The following ACSM3 variants were observed in gnomAD, a reference collection of about 807,000 sequenced individuals.
ACSM3 encodes the protein acyl-CoA synthetase medium chain family member 3, also known as acyl-coenzyme A synthetase ACSM3, mitochondrial.
ACSM3 carries 61 observed loss-of-function variants against 74.1 expected under a neutral mutation model. The ratio of observed to expected loss-of-function variants is 0.82; its 90% CI spans 0.67 to 1.02. The LOEUF (loss-of-function observed/expected upper bound fraction) is 1.02. ACSM3 is among the 50% of genes least tolerant of loss of function. The probability of loss-of-function intolerance (pLI) is 0.00; values close to 1 mark genes in which losing one functional copy is unlikely to be tolerated. For missense variants in ACSM3, 660 were observed against 697.0 expected (o/e 0.95, Z 0.60); for synonymous variants, 213 against 241.5 (o/e 0.88, Z 1.09).
chr16:20,737,381 G>C (rs2079880285), intron 1 of ACSM3: 3 of 1,278,482 alleles, frequency 2.3e-6, no homozygotes, highest in Non-Finnish European at 3.2e-6. Context: ...GTTAAAACAA[G>C]ACATACAGTA....
In ACSM3 at chr16:20,796,932, A is replaced by G; in HGVS notation, c.1721A>G (p.Lys574Arg). The change falls in exon 14 of 14, where the codon AAA becomes AGA. Residue 574 changes from lysine to arginine, a missense_variant. By Grantham distance (26) the Lys-to-Arg change is conservative. Transcript: ENST00000289416. ...ELPKTISGKT[K>R]RNELRKKEWK... ...CCAAAGACTATCAGTGGGAAGACAA[A>G]AAGAAATGAACTGAGGAAGAAAGAA... The G allele has an allele frequency of 6.2e-7, 1 of 1,613,108 alleles. No homozygotes were observed. Among genetic ancestry groups the G allele is most frequent in the Non-Finnish European group, 8.5e-7 (1 of 1,179,590 alleles).
rs559950298 is a variant in ACSM3, at chr16:20,791,640, T to C, written c.1327-362T>C. On this transcript the variant is annotated intron_variant, in intron 10 of 13. Transcript: ENST00000289416. ...CTTCCTTGAACATTTAAAAATCCAATTGAGGGCCAGGAGCGGTGGCTTATG... is the reference window on the plus strand; with the variant it reads ...CTTCCTTGAACATTTAAAAATCCAACTGAGGGCCAGGAGCGGTGGCTTATG... Among the ~76,000 whole-genome samples the C allele has an allele frequency of 8.5e-5, 13 of 152,232 alleles. No individual in the cohort carries two copies. The East Asian group carries it at 1.4e-3, about 16-fold the overall frequency.
intron 12 of ACSM3, 102 bp downstream of exon 12, chr16:20,792,437 A>G: frequency 3.2e-6 from 5 of 1,562,340 alleles, no homozygotes; most frequent in Non-Finnish European, 3.5e-6. Flanking sequence ...TGATTCATTT[A>G]CTAAATATGC....
chr16:20,731,944 G>C (rs1005209725), intron 1 of ACSM3, among the ~76,000 whole-genome samples: 1 of 152,182 alleles, frequency 6.6e-6, no homozygotes, highest in African/African-American at 2.4e-5. Context: ...CTGCAATACT[G>C]AATCACTACT....
At chr16:20,781,228 C>G in intron 6 of ACSM3, 98 bp downstream of exon 6, 1 of 1,407,752 alleles carries the variant, frequency 7.1e-7, no homozygotes, top group Non-Finnish European at 9.7e-7. Context: ...TCAGAGTAGA[C>G]AATATGATTT....
At chr16:20,687,034 G>C (rs1486840100) in intron 1 of ACSM3, among the ~76,000 whole-genome samples, 1 of 150,400 alleles carries the variant, frequency 6.6e-6, no homozygotes, top group African/African-American at 2.5e-5. Flanking sequence ...GTGTGGTGCG[G>C]TGCAGTCAAG....
chr16:20,691,424 C>A (rs980984176), intron 1 of ACSM3, among the ~76,000 whole-genome samples: 1 of 152,128 alleles, frequency 6.6e-6, no homozygotes, highest in African/African-American at 2.4e-5. Context: ...GCAGAAAACG[C>A]TGGGGAGGTT....
chr16:20,731,746 AT>A, intron 1 of ACSM3: 1 of 346,830 alleles, frequency 2.9e-6, no homozygotes, highest in Non-Finnish European at 5.2e-6. Context: ...GAAAGTAAGT[AT>A]TTTGTCCAAA....
intron 1 of ACSM3, among the ~76,000 whole-genome samples, chr16:20,692,508 C>T (rs539881508): frequency 1.3e-5 from 2 of 152,118 alleles, no homozygotes; most frequent in Admixed American, 1.3e-4. Context: ...TATTGTGCAC[C>T]GGTATCTCTC....
chr16:20,681,404 A>G (rs76518496), intron 1 of ACSM3: 2 of 152,212 alleles, frequency 1.3e-5, no homozygotes, highest in African/African-American at 4.8e-5. Context: ...CCATGTTCCA[A>G]TTCAGACTTG....
chr16:20,732,902 A>T (rs369009819), intron 1 of ACSM3: 1 of 161,550 alleles, frequency 6.2e-6, no homozygotes, highest in African/African-American at 2.4e-5. Flanking sequence ...TTTTCCGTCA[A>T]TTAGGTGGAA....
At chr16:20,741,481 G>GGGGGGGGGGGGGGCCCCCCC in intron 1 of ACSM3, 3 of 1,308,414 alleles carry the variant, frequency 2.3e-6, no homozygotes, top group Non-Finnish European at 3.0e-6. Flanking sequence ...CTGGCAGCCG[G>GGGGGGGGGGGGGGCCCCCCC]CCCGCCCGCC....
intron 1 of ACSM3, chr16:20,727,521 A>G (rs1166511328): frequency 6.2e-6 from 2 of 324,868 alleles, no homozygotes; most frequent in Non-Finnish European, 1.2e-5. Flanking sequence ...TTTCTGCCCC[A>G]GGATTTTCAA....
chr16:20,686,248 C>T (rs1468449675), intron 1 of ACSM3, among the ~76,000 whole-genome samples: 3 of 151,930 alleles, frequency 2.0e-5, no homozygotes, highest in Admixed American at 1.3e-4. Context: ...GAGGTGAGGG[C>T]AGTAACAAAG....
chr16:20,762,922 G>A (rs541197677), upstream of ACSM3, among the ~76,000 whole-genome samples: 1 of 152,216 alleles, frequency 6.6e-6, no homozygotes, highest in East Asian at 1.9e-4. Flanking sequence ...TCTAGCCTGC[G>A]CAATAAGGCA....
rs550190851 is a variant in ACSM3, at chr16:20,732,111, G to GT, written c.-189-17798dup. Among the ~76,000 whole-genome samples, 374 of 152,220 alleles carry GT rather than the reference G, an allele frequency of 2.5e-3. 2 individuals carry two copies. Among genetic ancestry groups the GT allele is most frequent in the Non-Finnish European group, 4.4e-3 (297 of 68,006 alleles). On this transcript the variant is annotated intron_variant, in intron 1 of 3. Coordinates refer to the ACSM3 transcript ENST00000561584. ...ATAAATTCAAAGAACATACCTGTAT[G>GT]TATCAAGGGACCCCATTAATATTCA... is the stretch of plus-strand genomic sequence containing the variant.
At chr16:20,758,520 TCTC>T (rs1345089944) in intron 3 of ACSM3, among the ~76,000 whole-genome samples, 1 of 152,138 alleles carries the variant, frequency 6.6e-6, no homozygotes, top group East Asian at 1.9e-4. Flanking sequence ...TTGATTCTTC[TCTC>T]TTTTTTTATT....
intron 2 of ACSM3, among the ~76,000 whole-genome samples, chr16:20,772,810 T>C (rs1199073200): frequency 6.6e-6 from 1 of 152,024 alleles, no homozygotes; most frequent in Non-Finnish European, 1.5e-5. Flanking sequence ...CTACTAAAAA[T>C]ACAAAAATTA....
At chr16:20,696,293 G>A (rs964765108) in intron 1 of ACSM3, among the ~76,000 whole-genome samples, 29 of 152,064 alleles carry the variant, frequency 1.9e-4, no homozygotes, top group Admixed American at 1.1e-3. Context: ...CTCTATCTCC[G>A]TCTCTGTCTC....
Sources: gnomAD v4.1 joint callset for allele counts (sites outside exome capture counted in the v4.1 genomes callset) on GRCh38, gnomAD v4.1.1 for gene constraint, MANE v1.5 for transcripts, NCBI Gene and HGNC (gene_info 2026-07-23, HGNC 2026-07-21) for gene names.